The following SGSM3 variants were observed in gnomAD, a reference collection of about 807,000 sequenced individuals.
The protein encoded by SGSM3 is small G protein signaling modulator 3, also known as RUN and SH3 containing 3.
Under a neutral mutation model 100.5 loss-of-function variants are expected in SGSM3, and 96 were observed. The ratio of observed to expected loss-of-function variants is 0.96; its 90% confidence interval spans 0.81 to 1.13. SGSM3 has a LOEUF of 1.13. Among genes scored for constraint, SGSM3 ranks in the 50% most tolerant of loss-of-function variants. SGSM3 has a pLI of 0.00. For synonymous variants in SGSM3, 483 were observed against 422.8 expected (o/e 1.14, Z -1.75); for missense variants, 1,001 against 1,015.8 (o/e 0.99, Z 0.20).
chr22:40,383,504 G>A (rs951465458), intron 1 of SGSM3, among the ~76,000 whole-genome samples: 1 of 151,466 alleles, frequency 6.6e-6, no homozygotes, highest in African/African-American at 2.4e-5. Context: ...ACAAGTAAAT[G>A]TTGAGAGGAA....
chr22:40,407,699 G>T lies in SGSM3; in HGVS notation c.1525-90G>T. ...GTGAAGATGTAGGGGTCTTGGCCTGGCCTAGTTGCTGAGGAGTCATATCGG... is the reference window on the plus strand; with the variant it reads ...GTGAAGATGTAGGGGTCTTGGCCTGTCCTAGTTGCTGAGGAGTCATATCGG... On this transcript the variant is annotated intron_variant, in intron 13 of 21. Coordinates refer to ENST00000248929, the MANE Select transcript of SGSM3 (RefSeq NM_015705.6). This position sits in a 1 kb window ranked among gnomAD's most constrained non-coding sequence, Gnocchi z 4.7. The T allele has an allele frequency of 6.3e-7, 1 of 1,585,880 alleles. No individual in the cohort carries two copies.
chr22:40,408,455 C>T (rs2051985425), intron 16 of SGSM3, 26 bp downstream of exon 16: 1 of 1,612,682 alleles, frequency 6.2e-7, no homozygotes, highest in Non-Finnish European at 8.5e-7. Context: ...GGCCCATGAC[C>T]CCCACCCTGC....
In SGSM3 at chr22:40,410,097, G is replaced by GTCTT. The variant is rs757572899; in HGVS notation, c.*340_*343dup. On this transcript the variant is annotated 3_prime_UTR_variant, in exon 22 of 22. Coordinates refer to ENST00000248929, the MANE Select transcript of SGSM3 (RefSeq NM_015705.6). Reference sequence around the variant, plus strand: ...TTTGGTTTATAAATAAACTGTGTCTGTCTTTGAGAAAGCACCTACCTGTCT... The same window carrying GTCTT: ...TTTGGTTTATAAATAAACTGTGTCTGTCTTTCTTTGAGAAAGCACCTACCTGTCT... The GTCTT allele has an allele frequency of 3.0e-4, 360 of 1,194,420 alleles. 1 individual carries two copies. Among genetic ancestry groups the GTCTT allele is most frequent in the African/African-American group, 2.8e-3 (175 of 63,426 alleles). 74.0% of individuals were successfully genotyped at this position (1,194,420 alleles called of 1,614,324 possible). A position where few individuals can be genotyped will look rare whatever the true frequency, so the allele number is the denominator to read the frequency against.
intron 1 of SGSM3, among the ~76,000 whole-genome samples, chr22:40,396,245 C>A (rs2050028807): frequency 6.6e-6 from 1 of 152,174 alleles, no homozygotes; most frequent in East Asian, 1.9e-4. Flanking sequence ...GTGTCCTCTT[C>A]CCCTCCTCAC....
At chr22:40,388,813 G>A (rs1280890509) in intron 1 of SGSM3, among the ~76,000 whole-genome samples, 9 of 152,166 alleles carry the variant, frequency 5.9e-5, no homozygotes, top group African/African-American at 2.2e-4. Context: ...AGATGGAAAG[G>A]TGAAGAATCC....
intron 1 of SGSM3, among the ~76,000 whole-genome samples, chr22:40,389,232 C>T (rs778465273): frequency 2.0e-5 from 3 of 152,114 alleles, no homozygotes; most frequent in Non-Finnish European, 4.4e-5. Context: ...CACATAGACA[C>T]CCAGAGAGAC....
At chr22:40,406,777 C>T in intron 10 of SGSM3, 115 bp downstream of exon 10, 1 of 952,744 alleles carries the variant, frequency 1.0e-6, no homozygotes, top group Non-Finnish European at 1.6e-6. Context: ...TGCTCTGCCC[C>T]CCAGCCTGGC....
chr22:40,395,541 C>T (rs1044504627), intron 1 of SGSM3, among the ~76,000 whole-genome samples: 1 of 152,060 alleles, frequency 6.6e-6, no homozygotes, highest in African/African-American at 2.4e-5. Flanking sequence ...AGGTTGGTCT[C>T]GAACTCCTGA....
chr22:40,406,484 C>G lies in SGSM3; in HGVS notation c.1007C>G (p.Thr336Arg). Residue 336 changes from threonine to arginine, a missense_variant, in exon 10 of 22, where the codon ACG becomes AGG. Thr to Arg is a moderately conservative substitution (Grantham distance 71). Transcript: ENST00000248929. ...GAGAACTCGGCCTCCATCTTCAACA[C>G]GCTATCGGATATCCCGTCGCAGATG... is the stretch of plus-strand genomic sequence containing the variant. Reference protein sequence around the residue: ...QSENSASIFNTLSDIPSQMED... With the variant: ...QSENSASIFNRLSDIPSQMED... 6.2e-7 allele frequency: 1 copy of G among 1,607,972 alleles called. No homozygotes were observed. Among genetic ancestry groups the G allele is most frequent in the Non-Finnish European group, 8.5e-7 (1 of 1,176,578 alleles).
intron 1 of SGSM3, among the ~76,000 whole-genome samples, chr22:40,371,458 T>C (rs2045462002): frequency 6.6e-6 from 1 of 152,212 alleles, no homozygotes; most frequent in African/African-American, 2.4e-5. Flanking sequence ...CCTTTCTTAT[T>C]CTTTCTTAGT....
chr22:40,405,302 AAGGGCAGTGGCAGCCCCAGG>A lies in SGSM3; in HGVS notation c.618+20_618+39del. 1 of 1,474,094 alleles carries A rather than the reference AAGGGCAGTGGCAGCCCCAGG, an allele frequency of 6.8e-7. No homozygotes were observed. The highest frequency in any genetic ancestry group is 9.0e-7 in the Non-Finnish European group (1 of 1,111,778). The allele number at this position is 1,474,094 out of a possible 1,614,324, so 91.3% of individuals were successfully genotyped here. A position where few individuals can be genotyped will look rare whatever the true frequency, so the allele number is the denominator to read the frequency against. ...CCGGCATGGTGAGCACAGCCCCAGA[AAGGGCAGTGGCAGCCCCAGG>A]ACCCCCTCCAGGACCCTAACAAGGA... On this transcript the variant is annotated intron_variant, in intron 7 of 21. Transcript: ENST00000248929.
intron 1 of SGSM3, among the ~76,000 whole-genome samples, chr22:40,375,544 C>T (rs550681146): frequency 6.6e-6 from 1 of 151,444 alleles, no homozygotes; most frequent in East Asian, 1.9e-4. Flanking sequence ...CATGTCATTG[C>T]ACTCCAGCCT....
chr22:40,380,295 T>A (rs2047344082), intron 1 of SGSM3, among the ~76,000 whole-genome samples: 1 of 152,180 alleles, frequency 6.6e-6, no homozygotes, highest in Non-Finnish European at 1.5e-5. Flanking sequence ...GTAAACATTC[T>A]GGCATTTATT....
rs1477044977 is a variant in SGSM3 at position 40,409,748 on chromosome 22, G to A, written c.2239G>A (p.Val747Met). Residue 747 changes from valine (V) to methionine (M), a missense_variant, in exon 22 of 22, where the codon GTG (valine) becomes ATG (methionine). By Grantham distance (21) the Val-to-Met change is conservative (BLOSUM62 1). Transcript: ENST00000248929. ...LVKHHLFSWD[V>M]DG ...GAAGCACCACCTCTTCAGCTGGGAT[G>A]TGGACGGGTGACCCCCTCCTCCCCA... The A allele has an allele frequency of 3.7e-6, 6 of 1,608,528 alleles. No individual in the cohort carries two copies. The Admixed American group carries it at 5.0e-5, about 13-fold the overall frequency.
At chr22:40,395,361 GC>G (rs1205531097) in intron 1 of SGSM3, among the ~76,000 whole-genome samples, 3 of 146,534 alleles carry the variant, frequency 2.0e-5, no homozygotes, top group Non-Finnish European at 4.5e-5. Flanking sequence ...TCACTCTGTC[GC>G]CCAGGCTGGA....
At chr22:40,375,776 G>T (rs867658397) in intron 1 of SGSM3, among the ~76,000 whole-genome samples, 3 of 151,834 alleles carry the variant, frequency 2.0e-5, no homozygotes, top group Non-Finnish European at 2.9e-5. Context: ...CTGGGCTTAT[G>T]TCTGTAATCC....
rs1390086065 is a variant in SGSM3, at chr22:40,401,477, C to T, written c.8-116C>T. On this transcript the variant is annotated intron_variant, in intron 2 of 21. Transcript: ENST00000248929. ...GCCAGGCTGGTCTCAAACTCCTGACCTCAGGTGATCTGCCCACCTCGGCCT... is the reference window on the plus strand; with the variant it reads ...GCCAGGCTGGTCTCAAACTCCTGACTTCAGGTGATCTGCCCACCTCGGCCT... 7 of 708,404 alleles carry T rather than the reference C, an allele frequency of 9.9e-6. No individual in the cohort carries two copies. In the Admixed American group the frequency reaches 1.3e-4, roughly 13 times the overall value. 43.9% of individuals were successfully genotyped at this position (708,404 alleles called of 1,614,324 possible). A position where few individuals can be genotyped will look rare whatever the true frequency, so the allele number is the denominator to read the frequency against.
intron 8 of SGSM3, 85 bp downstream of exon 8, chr22:40,405,929 C>G (rs1185934458): frequency 2.1e-5 from 31 of 1,485,922 alleles, no homozygotes; most frequent in Middle Eastern, 2.0e-4. Flanking sequence ...GCACAGCCCC[C>G]CAACCATGGT....
chr22:40,408,766 C>T, intron 17 of SGSM3, 28 bp from the exon 18 acceptor site: 2 of 1,613,842 alleles, frequency 1.2e-6, no homozygotes, highest in Non-Finnish European at 1.7e-6. Flanking sequence ...CCAGCCCCGG[C>T]ACCCCAGGAG....
Sources: gnomAD v4.1 joint callset for allele counts (sites outside exome capture counted in the v4.1 genomes callset) on GRCh38, gnomAD v4.1.1 for gene constraint, Gnocchi (gnomAD v3.1) non-coding constraint, MANE v1.5 for transcripts, NCBI Gene and HGNC (gene_info 2026-07-23, HGNC 2026-07-21) for gene names.